Variants in FANCA observed in about 807,000 individuals in gnomAD.
FANCA encodes Fanconi anemia group A protein.
In FANCA, 236 loss-of-function variants were observed where a neutral mutation model predicts 194.3. The ratio of observed to expected loss-of-function variants is 1.21; its 90% CI spans 1.09 to 1.35. The LOEUF is 1.35. FANCA is among the 40% of genes most tolerant of loss of function. FANCA has a pLI of 0.00. For synonymous variants in FANCA, 1,014 were observed against 715.8 expected, an observed-to-expected ratio of 1.42 and a Z score of -6.65; for missense variants, 2,628 against 1,813.9, an observed-to-expected ratio of 1.45 and a Z score of -8.15.
intron 14 of FANCA, among the ~76,000 whole-genome samples, chr16:89,788,549 G>A (rs558106644): frequency 3.3e-4 from 50 of 152,200 alleles, no homozygotes; most frequent in Non-Finnish European, 6.2e-4. Context: ...TGTAATTCCA[G>A]TACTTCGGGG....
chr16:89,811,121 T>C (rs762492650), intron 3 of FANCA, 50 bp from the exon 4 acceptor site: 3 of 1,612,372 alleles, frequency 1.9e-6, no homozygotes, highest in South Asian at 2.2e-5. Context: ...TGAGACAAAA[T>C]CTAAAACCAA....
chr16:89,774,729 C>A (rs866776740), intron 21 of FANCA, among the ~76,000 whole-genome samples: 22 of 22,192 alleles, frequency 9.9e-4, no homozygotes, highest in South Asian at 3.6e-3. Context: ...GACTCTGTCT[C>A]AAAAAAAAAA....
rs1302454899 is a variant in FANCA, at chr16:89,792,049, G to A, written c.1103C>T (p.Ala368Val). 1 of 1,614,160 alleles carries A rather than the reference G, an allele frequency of 6.2e-7. No individual in the cohort carries two copies. Residue 368 changes from alanine to valine, a missense_variant, in exon 13 of 43, where the codon GCA becomes GTA. Ala to Val is a moderately conservative substitution (Grantham distance 64, BLOSUM62 0). Coordinates refer to ENST00000389301, the MANE Select transcript of FANCA (RefSeq NM_000135.4). ...TTGCAAATGGCCAACCAACTCCTCT[G>A]CACTCAGCATCACAAAGAGCTGAAA... ...LYRRLFVMLS[A>V]EELVGHLQEV...
At chr16:89,792,703 A>G in intron 11 of FANCA, 156 bp from the exon 12 acceptor site, 1 of 653,822 alleles carries the variant, frequency 1.5e-6, no homozygotes, top group Admixed American at 2.1e-5. Context: ...ATAAAAGACA[A>G]GACAGCTGGG....
At position 89,737,891 on chromosome 16, in the gene FANCA, A is replaced by T. The variant is rs2061995977; in HGVS notation, c.*710T>A. ...TCGTCCACCAAATGCGACATTCGGG[A>T]GCCAAGCCTTTGCAGTAAGTGTGAG... On this transcript the variant is annotated 3_prime_UTR_variant, in exon 43 of 43. Transcript: ENST00000389301. 3 of 1,611,850 alleles carry T rather than the reference A, an allele frequency of 1.9e-6. No individual in the cohort carries two copies. Among genetic ancestry groups the T allele is most frequent in the Non-Finnish European group, 2.5e-6 (3 of 1,179,768 alleles).
chr16:89,791,421 T>A lies in FANCA; in HGVS notation c.1341A>T (p.Ser447=), dbSNP rs895188167. 1 of 1,614,086 alleles carries A rather than the reference T, an allele frequency of 6.2e-7. No individual in the cohort carries two copies. The highest frequency in any genetic ancestry group is 8.5e-7 in the Non-Finnish European group (1 of 1,179,972). The change falls in exon 14 of 43, where the codon TCA becomes TCT. Residue 447 remains serine, a synonymous_variant. Coordinates refer to ENST00000389301, the MANE Select transcript of FANCA (RefSeq NM_000135.4). The stretch of plus-strand genomic sequence containing the variant: ...CACTTACCTTGAACCAGTCTGCATA[T>A]GACAGGAACGCAGAGGGGCCCTCCA... ...AALEGPSAFL[S]YADWFKASFG...
At chr16:89,795,851 G>C (rs1340891873) in intron 11 of FANCA, 55 bp downstream of exon 11, 1 of 1,308,998 alleles carries the variant, frequency 7.6e-7, no homozygotes, top group East Asian at 2.3e-5. Flanking sequence ...AGGCAACAAG[G>C]CAACAGCAAT....
At chr16:89,777,272 C>A (rs1480698772) in intron 20 of FANCA, among the ~76,000 whole-genome samples, 1 of 151,962 alleles carries the variant, frequency 6.6e-6, no homozygotes, top group Non-Finnish European at 1.5e-5. Flanking sequence ...GACCCAGCTA[C>A]TTGGGAGGCG....
In FANCA at chr16:89,758,116, C is replaced by G. The variant is rs184184730; in HGVS notation, c.2981+461G>C. ...AGGTAATCCACCCACCTCAGCCTCC[C>G]GAAGTGCTGGGATTACAGGTGTGAG... On this transcript the variant is annotated intron_variant, in intron 30 of 42. Transcript: ENST00000389301. 6.6e-5 allele frequency among the ~76,000 whole-genome samples: 10 copies of G among 152,170 alleles called. No homozygotes were observed. The South Asian group carries it at 1.2e-3, about 19-fold the overall frequency.
chr16:89,757,286 G>C (rs190333737), intron 30 of FANCA, among the ~76,000 whole-genome samples: 1 of 152,130 alleles, frequency 6.6e-6, no homozygotes, highest in Non-Finnish European at 1.5e-5. Context: ...CTAAGAGTGG[G>C]ATTTAAGGTA....
intron 30 of FANCA, among the ~76,000 whole-genome samples, chr16:89,754,175 T>C (rs953415606): frequency 5.3e-5 from 8 of 151,670 alleles, no homozygotes; most frequent in East Asian, 1.9e-4. Context: ...TAAGCCGAGA[T>C]TGCACCACTG....
At chr16:89,784,985 G>A (rs760058091) in intron 14 of FANCA, 21 bp from the exon 15 acceptor site, 2 of 1,584,920 alleles carry the variant, frequency 1.3e-6, no homozygotes, top group Non-Finnish European at 1.7e-6. Flanking sequence ...AGAAGAGCGT[G>A]AAGCCCAGGA....
chr16:89,783,560 A>C lies in FANCA; in HGVS notation c.1471-458T>G, dbSNP rs112225320. 9.6e-3 allele frequency among the ~76,000 whole-genome samples: 1,453 copies of C among 151,798 alleles called. 11 individuals carry two copies. The highest frequency in any genetic ancestry group is 0.044 in the East Asian group (225 of 5,120). ...AGTGAGACTTCATTTCCAAAAAAAA[A>C]AACAACAAAAAAAAAACACAATAGA... is the stretch of plus-strand genomic sequence containing the variant. On this transcript the variant is annotated intron_variant, in intron 15 of 42. Coordinates refer to ENST00000389301, the MANE Select transcript of FANCA (RefSeq NM_000135.4).
intron 10 of FANCA, among the ~76,000 whole-genome samples, chr16:89,797,436 A>T (rs1233262549): frequency 1.3e-5 from 2 of 152,326 alleles, no homozygotes; most frequent in Admixed American, 1.3e-4. Context: ...TGCAAACTCA[A>T]GACACTCACA....
At chr16:89,809,416 G>T (rs944866184) in intron 5 of FANCA, among the ~76,000 whole-genome samples, 9 of 151,796 alleles carry the variant, frequency 5.9e-5, no homozygotes, top group African/African-American at 2.2e-4. Flanking sequence ...ATGTATGCTG[G>T]ATAAAAGAAT....
At chr16:89,786,839 C>T (rs1361209449) in intron 14 of FANCA, among the ~76,000 whole-genome samples, 1 of 152,156 alleles carries the variant, frequency 6.6e-6, no homozygotes, top group East Asian at 1.9e-4. Context: ...CTCAAGGGTT[C>T]CCTTCTCAAA....
chr16:89,772,333 G>A (rs781714189), intron 22 of FANCA, among the ~76,000 whole-genome samples: 12 of 152,154 alleles, frequency 7.9e-5, no homozygotes, highest in African/African-American at 1.2e-4. Flanking sequence ...TTGAATCACC[G>A]GAAGGCTGCA....
intron 37 of FANCA, among the ~76,000 whole-genome samples, chr16:89,741,897 T>C (rs2062142298): frequency 6.6e-6 from 1 of 152,072 alleles, no homozygotes; most frequent in Non-Finnish European, 1.5e-5. Context: ...AGGATAAAAA[T>C]AAGCTGAAGA....
chr16:89,807,594 A>C (rs1461387073), intron 6 of FANCA, among the ~76,000 whole-genome samples: 1 of 152,126 alleles, frequency 6.6e-6, no homozygotes, highest in Non-Finnish European at 1.5e-5. Flanking sequence ...TACTAAAAAT[A>C]ACAAAAATTG....
Sources: gnomAD v4.1 joint callset for allele counts (sites outside exome capture counted in the v4.1 genomes callset) on GRCh38, gnomAD v4.1.1 for gene constraint, MANE v1.5 for transcripts, NCBI Gene and HGNC (gene_info 2026-07-23, HGNC 2026-07-21) for gene names.